Variants in SLC35B2 observed in about 807,000 individuals in gnomAD.
SLC35B2 encodes solute carrier family 35 member B2.
Under a neutral mutation model 37.9 loss-of-function variants are expected in SLC35B2, and 19 were observed. The observed-to-expected ratio is 0.50, with a 90% CI of 0.35 to 0.74. The LOEUF is 0.74. Ranked by LOEUF, SLC35B2 falls within the 30% of genes least tolerant of loss-of-function variation. The pLI, the probability that SLC35B2 is intolerant of heterozygous loss-of-function variation, is 0.01. For missense variants in SLC35B2, 633 were observed against 547.6 expected (o/e 1.16, Z -1.56); for synonymous variants, 277 against 225.2 (o/e 1.23, Z -2.06).
intron 3 of SLC35B2, 68 bp downstream of exon 3, chr6:44,256,250 CAAAGCTCTGGGACTGGTAAAATGG>C (rs1206189372): frequency 9.4e-6 from 14 of 1,491,980 alleles, no homozygotes; most frequent in Middle Eastern, 2.4e-4. Context: ...CACCAGCCAG[CAAAGCTCTGGGACTGGTAAAATGG>C]AAACCTTCAC....
In SLC35B2 at chr6:44,257,475, G is replaced by A. The variant is rs1027866164; in HGVS notation, c.-65C>T. On this transcript the variant is annotated 5_prime_UTR_variant, in exon 1 of 4. Transcript: ENST00000393812. ...CGAGTCCCCGGGCCGCGCGCCCCCT[G>A]CGCTCCCGCCGCCGCCTCCAGGAGC... 6.5e-6 allele frequency: 8 copies of A among 1,235,530 alleles called. No individual in the cohort carries two copies. Among genetic ancestry groups the A allele is most frequent in the African/African-American group, 6.2e-5 (4 of 64,030 alleles). 76.5% of individuals were successfully genotyped at this position (1,235,530 alleles called of 1,614,324 possible). A position where few individuals can be genotyped will look rare whatever the true frequency, so the allele number is the denominator to read the frequency against.
chr6:44,256,245 G>A (rs1781483031), intron 3 of SLC35B2, 97 bp downstream of exon 3: 1 of 1,476,118 alleles, frequency 6.8e-7, no homozygotes, highest in Non-Finnish European at 9.1e-7. Context: ...AAACACACCA[G>A]CCAGCAAAGC....
intron 1 of SLC35B2, 128 bp from the exon 2 acceptor site, chr6:44,257,006 A>G: frequency 9.5e-7 from 1 of 1,053,108 alleles, no homozygotes; most frequent in Non-Finnish European, 1.3e-6. Flanking sequence ...CGGCCCGGAC[A>G]AAGAGCCTCT....
chr6:44,257,500 C>G lies in SLC35B2; in HGVS notation c.-90G>C. ...GCGCTCCCGCCGCCGCCTCCAGGAG[C>G]GGCCAGCGAGCCAGCGGCCAGCGGA... On this transcript the variant is annotated 5_prime_UTR_variant, in exon 1 of 4. Coordinates refer to ENST00000393812, the MANE Select transcript of SLC35B2 (RefSeq NM_178148.4). 8.4e-7 allele frequency: 1 copy of G among 1,194,962 alleles called. No homozygotes were observed. Among genetic ancestry groups the G allele is most frequent in the Non-Finnish European group, 1.1e-6 (1 of 948,938 alleles). 74.0% of individuals were successfully genotyped at this position (1,194,962 alleles called of 1,614,324 possible).
rs137898193 is a variant in SLC35B2, at chr6:44,255,636, A to G, written c.369T>C (p.Tyr123=). 214 of 1,610,818 alleles carry G rather than the reference A, an allele frequency of 1.3e-4. No individual in the cohort carries two copies. In the African/African-American group the frequency reaches 2.4e-3, roughly 18 times the overall value. ...TTTCCTGCAGCACACCCCAAGTCAG[A>G]TAAGACACCTGTTGGGGAAGGTAGA... is the stretch of plus-strand genomic sequence containing the variant. ...LFCATGLQVS[Y]LTWGVLQERV... The change falls in exon 4 of 4, where the codon TAT becomes TAC. Residue 123 remains tyrosine, a synonymous_variant. Coordinates refer to ENST00000393812, the MANE Select transcript of SLC35B2 (RefSeq NM_178148.4).
Position 44,254,267 on chromosome 6 carries a change from A to G in SLC35B2, c.*439T>C. On this transcript the variant is annotated 3_prime_UTR_variant, in exon 4 of 4. Transcript: ENST00000393812. ...CTGCATCCCCTTTCCTCAGCACAGC[A>G]CCATCTTCACCCTCCTGGGAAAGCA... 1 of 205,302 alleles carries G rather than the reference A, an allele frequency of 4.9e-6. No individual in the cohort carries two copies. The highest frequency in any genetic ancestry group is 1.0e-5 in the Non-Finnish European group (1 of 99,012). 12.7% of individuals were successfully genotyped at this position (205,302 alleles called of 1,614,324 possible). A position where few individuals can be genotyped will look rare whatever the true frequency, so the allele number is the denominator to read the frequency against.
At position 44,255,455 on chromosome 6, in the gene SLC35B2, A is replaced by G; in HGVS notation, c.550T>C (p.Tyr184His). The G allele has an allele frequency of 6.2e-7, 1 of 1,614,268 alleles. No homozygotes were observed. The highest frequency in any genetic ancestry group is 8.5e-7 in the Non-Finnish European group (1 of 1,180,040). Residue 184 changes from tyrosine to histidine, a missense_variant, in exon 4 of 4, where the codon TAC (tyrosine) becomes CAC (histidine). Tyr to His is a moderately conservative substitution (Grantham distance 83). Coordinates refer to ENST00000393812, the MANE Select transcript of SLC35B2 (RefSeq NM_178148.4). ...CKQPRHGAPMYRYSFASLSNV... is the reference protein window; with the variant it reads ...CKQPRHGAPMHRYSFASLSNV... ...GACAGGCTGGCAAAGGAGTACCGGT[A>G]CATGGGTGCCCCATGCCGGGGCTGC...
At position 44,254,949 on chromosome 6, in the gene SLC35B2, C is replaced by T. The variant is rs573179078; in HGVS notation, c.1056G>A (p.Gln352=). The change falls in exon 4 of 4, where the codon CAG becomes CAA. Residue 352 remains glutamine (Q), a synonymous_variant. Transcript: ENST00000393812. The part of the protein sequence containing the change: ...LLLSICSACG[Q]LFIFYTIGQF... ...GCCCAATGGTGTAAAAGATGAAGAG[C>T]TGGCCACATGCGGAGCAGATGGAGA... The T allele has an allele frequency of 3.1e-6, 5 of 1,614,076 alleles. No homozygotes were observed. Among genetic ancestry groups the T allele is most frequent in the African/African-American group, 2.7e-5 (2 of 74,934 alleles).
intron 3 of SLC35B2, among the ~76,000 whole-genome samples, chr6:44,256,107 G>C (rs981574768): frequency 2.6e-5 from 4 of 152,206 alleles, no homozygotes; most frequent in African/African-American, 9.7e-5. Context: ...TTCTGCACTA[G>C]ACATCTTGAA....
Position 44,254,581 on chromosome 6 carries a change from A to T in SLC35B2, c.*125T>A. 3 of 1,109,688 alleles carry T rather than the reference A, an allele frequency of 2.7e-6. No individual in the cohort carries two copies. Among genetic ancestry groups the T allele is most frequent in the Non-Finnish European group, 3.8e-6 (3 of 780,906 alleles). 68.7% of individuals were successfully genotyped at this position (1,109,688 alleles called of 1,614,324 possible). A position where few individuals can be genotyped will look rare whatever the true frequency, so the allele number is the denominator to read the frequency against. The stretch of plus-strand genomic sequence containing the variant: ...TGGGCTCCCCAATCCCCTGCTGCAG[A>T]GCTGGTCTGTGATACTGAGAAAACA... On this transcript the variant is annotated 3_prime_UTR_variant, in exon 4 of 4. Transcript: ENST00000393812.
intron 1 of SLC35B2, 46 bp downstream of exon 1, chr6:44,257,354 G>T: frequency 7.6e-7 from 1 of 1,322,920 alleles, no homozygotes; most frequent in Non-Finnish European, 9.7e-7. Context: ...CAGTCACGTG[G>T]CCCGGGGGCT....
At chr6:44,256,659 C>A in intron 2 of SLC35B2, 26 bp downstream of exon 2, 1 of 1,613,654 alleles carries the variant, frequency 6.2e-7, no homozygotes, top group Non-Finnish European at 8.5e-7. Context: ...CGACCTAGCT[C>A]ACTTCCCCGC....
Position 44,256,495 on chromosome 6 carries a change from A to G in SLC35B2, c.207T>C (p.Gly69=). 1 of 1,614,154 alleles carries G rather than the reference A, an allele frequency of 6.2e-7. No homozygotes were observed. The highest frequency in any genetic ancestry group is 8.5e-7 in the Non-Finnish European group (1 of 1,180,014). The change falls in exon 3 of 4, where the codon GGT becomes GGC. Residue 69 remains glycine, a splice_region_variant and synonymous_variant. Coordinates refer to ENST00000393812, the MANE Select transcript of SLC35B2 (RefSeq NM_178148.4). Reference sequence around the variant, plus strand: ...TCACCAGGGGAAAGCAGAGGCCCCTACCTGAAGAAAGCACACAAAGTCAAG... The same window carrying G: ...TCACCAGGGGAAAGCAGAGGCCCCTGCCTGAAGAAAGCACACAAAGTCAAG... ...YFRRKNYLET[G]RGLCFPLVKA... is the part of the protein sequence containing the mutation.
chr6:44,256,839 T>A lies in SLC35B2; in HGVS notation c.51A>T (p.Leu17=). 2.5e-6 allele frequency: 4 copies of A among 1,611,464 alleles called. No homozygotes were observed. Among genetic ancestry groups the A allele is most frequent in the Non-Finnish European group, 3.4e-6 (4 of 1,178,838 alleles). The change falls in exon 2 of 4, where the codon CTA becomes CTT. Residue 17 remains leucine, a synonymous_variant. Coordinates refer to ENST00000393812, the MANE Select transcript of SLC35B2 (RefSeq NM_178148.4). ...CTTCGGGAGTCTCCCCACCTGCCCC[T>A]AGGGAGGGGAACGCAGCCAGCACCA... The part of the protein sequence containing the change: ...AVVVLAAFPS[L]GAGGETPEAP...
chr6:44,257,471 C>A lies in SLC35B2; in HGVS notation c.-61G>T, dbSNP rs1229986840. The stretch of plus-strand genomic sequence containing the variant: ...AATGCGAGTCCCCGGGCCGCGCGCC[C>A]CCTGCGCTCCCGCCGCCGCCTCCAG... On this transcript the variant is annotated 5_prime_UTR_variant, in exon 1 of 4. Transcript: ENST00000393812. 5 of 1,237,390 alleles carry A rather than the reference C, an allele frequency of 4.0e-6. No individual in the cohort carries two copies. In the African/African-American group the frequency reaches 7.8e-5, roughly 19 times the overall value. The allele number at this position is 1,237,390 out of a possible 1,614,324, so 76.7% of individuals were successfully genotyped here.
chr6:44,256,334 C>G lies in SLC35B2; in HGVS notation c.360+8G>C. On this transcript the variant is annotated splice_region_variant and intron_variant, in intron 3 of 3. Coordinates refer to ENST00000393812, the MANE Select transcript of SLC35B2 (RefSeq NM_178148.4). Reference sequence around the variant, plus strand: ...ACCCAGGAAGAGAGGCTGAGCCCACCTACCCACCTGGAGCCCTGTGGCACA... The same window carrying G: ...ACCCAGGAAGAGAGGCTGAGCCCACGTACCCACCTGGAGCCCTGTGGCACA... 1 of 1,599,532 alleles carries G rather than the reference C, an allele frequency of 6.3e-7. No homozygotes were observed. The highest frequency in any genetic ancestry group is 8.5e-7 in the Non-Finnish European group (1 of 1,173,180).
At position 44,255,469 on chromosome 6, in the gene SLC35B2, TGCCGGGG is replaced by T; in HGVS notation, c.529_535del (p.Pro177MetfsTer42). On this transcript the variant is annotated frameshift_variant, in exon 4 of 4. Transcript: ENST00000393812. LOFTEE classifies it high-confidence loss of function. The stretch of plus-strand genomic sequence containing the variant: ...GGAGTACCGGTACATGGGTGCCCCA[TGCCGGGG>T]CTGCTTGCAGAGAACACAGGAGAGG... 1 of 1,614,210 alleles carries T rather than the reference TGCCGGGG, an allele frequency of 6.2e-7. No homozygotes were observed. Among genetic ancestry groups the T allele is most frequent in the Non-Finnish European group, 8.5e-7 (1 of 1,180,044 alleles).
chr6:44,255,975 G>A (rs1234998368), intron 3 of SLC35B2, among the ~76,000 whole-genome samples: 1 of 125,700 alleles, frequency 8.0e-6, no homozygotes, highest in Non-Finnish European at 1.8e-5. Context: ...ACTGGGGGAA[G>A]GCTGAATGGC....
Position 44,255,576 on chromosome 6 carries a change from T to G in SLC35B2, c.429A>C (p.Thr143=). ...AGTCCGTAAAGCGCTCACCCGGTGA[T>G]GTGGCTGTGGCCCCATAGCTGCGGG... is the stretch of plus-strand genomic sequence containing the variant. ...VMTRSYGATA[T]SPGERFTDSQ... Residue 143 remains threonine (T), a synonymous_variant, in exon 4 of 4, where the codon ACA becomes ACC. Coordinates refer to ENST00000393812, the MANE Select transcript of SLC35B2 (RefSeq NM_178148.4). 6.2e-7 allele frequency: 1 copy of G among 1,614,176 alleles called. No individual in the cohort carries two copies. Among genetic ancestry groups the G allele is most frequent in the East Asian group, 2.2e-5 (1 of 44,870 alleles).
Sources: allele counts gnomAD v4.1 joint callset (sites outside exome capture counted in the v4.1 genomes callset), GRCh38; gene constraint gnomAD v4.1.1; transcripts MANE v1.5; gene names NCBI Gene and HGNC (gene_info 2026-07-23, HGNC 2026-07-21).